The following ZCCHC7 variants were observed in gnomAD, a reference collection of about 807,000 sequenced individuals.
The protein encoded by ZCCHC7 is zinc finger CCHC domain-containing protein 7.
ZCCHC7 carries 35 observed loss-of-function variants against 52.0 expected under a neutral mutation model. The ratio of observed to expected loss-of-function variants is 0.67; its 90% CI spans 0.51 to 0.89. The LOEUF (loss-of-function observed/expected upper bound fraction) is 0.89, where lower values mean the gene tolerates loss of function less well. Ranked by LOEUF, ZCCHC7 falls within the 40% of genes least tolerant of loss-of-function variation. The pLI, the probability that ZCCHC7 is intolerant of heterozygous loss-of-function variation, is 0.00. For missense variants in ZCCHC7, 574 were observed against 649.1 expected, an observed-to-expected ratio of 0.88 and a Z score of 1.26; for synonymous variants, 217 against 221.5, an observed-to-expected ratio of 0.98 and a Z score of 0.18.
At chr9:37,230,349 A>G (rs184417286) in intron 2 of ZCCHC7, among the ~76,000 whole-genome samples, 70 of 152,312 alleles carry the variant, frequency 4.6e-4, no homozygotes, top group Non-Finnish European at 2.2e-4. Flanking sequence ...TTGTTAAAAC[A>G]TAACAGTGAC....
At chr9:37,307,658 A>G (rs1286164465) in intron 5 of ZCCHC7, among the ~76,000 whole-genome samples, 1 of 152,150 alleles carries the variant, frequency 6.6e-6, no homozygotes, top group Non-Finnish European at 1.5e-5. Flanking sequence ...TTTTTAATGC[A>G]TGTCTGAAAT....
chr9:37,261,228 T>C (rs1451978353), intron 2 of ZCCHC7, among the ~76,000 whole-genome samples: 1 of 152,180 alleles, frequency 6.6e-6, no homozygotes, highest in Non-Finnish European at 1.5e-5. Flanking sequence ...CTTTAAGACG[T>C]CAACAGATTT....
intron 2 of ZCCHC7, among the ~76,000 whole-genome samples, chr9:37,275,309 C>T (rs1827628899): frequency 3.0e-5 from 4 of 133,808 alleles, no homozygotes; most frequent in African/African-American, 5.7e-5. Context: ...TCTATATTGT[C>T]TAGTTTTCCT....
intron 2 of ZCCHC7, among the ~76,000 whole-genome samples, chr9:37,262,031 G>A (rs552170201): frequency 6.6e-6 from 1 of 152,212 alleles, no homozygotes; most frequent in South Asian, 2.1e-4. Context: ...TCTCCTCATT[G>A]TAGAAAAGTT....
Position 37,231,658 on chromosome 9 carries a change from A to AT in ZCCHC7, c.611-70522dup, listed in dbSNP as rs1002077487. Among the ~76,000 whole-genome samples, 8 of 151,826 alleles carry AT rather than the reference A, an allele frequency of 5.3e-5. No homozygotes were observed. In the East Asian group the frequency reaches 9.7e-4, roughly 18 times the overall value. On this transcript the variant is annotated intron_variant, in intron 2 of 8. Transcript: ENST00000336755. ...GTAGAGGAAGTGGCTGTTTTTCTCC[A>AT]TTTTTTTTCACCCTAATTGTTGAAA...
intron 2 of ZCCHC7, among the ~76,000 whole-genome samples, chr9:37,128,656 A>ATGGGT (rs1186629150): frequency 2.6e-5 from 4 of 152,232 alleles, no homozygotes; most frequent in African/African-American, 9.6e-5. Context: ...AAGGTAACTA[A>ATGGGT]TTCTGCAGTT....
intron 2 of ZCCHC7, among the ~76,000 whole-genome samples, chr9:37,279,014 A>T (rs1307509662): frequency 6.6e-6 from 1 of 152,194 alleles, no homozygotes; most frequent in African/African-American, 2.4e-5. Flanking sequence ...CCCTGTCTCT[A>T]TTAAAAAAAT....
chr9:37,337,132 A>C (rs1333666743), intron 6 of ZCCHC7, among the ~76,000 whole-genome samples: 1 of 152,136 alleles, frequency 6.6e-6, no homozygotes. Context: ...TTCCCCTAAA[A>C]GTGATTCCTT....
intron 2 of ZCCHC7, among the ~76,000 whole-genome samples, chr9:37,161,405 T>C (rs1309268558): frequency 6.6e-6 from 1 of 151,974 alleles, no homozygotes; most frequent in East Asian, 1.9e-4. Flanking sequence ...AAACCCCATC[T>C]CTACTAAAAA....
At chr9:37,240,432 T>C (rs559045228) in intron 2 of ZCCHC7, among the ~76,000 whole-genome samples, 88 of 152,040 alleles carry the variant, frequency 5.8e-4, no homozygotes, top group African/African-American at 2.0e-3. Context: ...TAATCTGATA[T>C]TTAATTAGTT....
intron 2 of ZCCHC7, among the ~76,000 whole-genome samples, chr9:37,218,364 A>G (rs1824624960): frequency 6.6e-6 from 1 of 152,330 alleles, no homozygotes; most frequent in South Asian, 2.1e-4. Context: ...CAAGTTAACT[A>G]TTATGGGTTC....
intron 5 of ZCCHC7, among the ~76,000 whole-genome samples, chr9:37,318,678 C>T (rs1017455235): frequency 5.9e-5 from 9 of 151,726 alleles, no homozygotes; most frequent in African/African-American, 2.2e-4. Context: ...TTTGGGAGGC[C>T]GAGGCGGGCA....
At chr9:37,312,124 T>A (rs1829628303) in intron 5 of ZCCHC7, among the ~76,000 whole-genome samples, 1 of 152,222 alleles carries the variant, frequency 6.6e-6, no homozygotes, top group South Asian at 2.1e-4. Context: ...TACTCAGATA[T>A]GACTGGCCAG....
At chr9:37,152,378 G>A (rs1008572950) in intron 2 of ZCCHC7, among the ~76,000 whole-genome samples, 5 of 152,028 alleles carry the variant, frequency 3.3e-5, no homozygotes, top group African/African-American at 1.2e-4. Flanking sequence ...CAAAATTAAT[G>A]CATCAATATT....
chr9:37,287,200 T>A (rs546553733), intron 2 of ZCCHC7, among the ~76,000 whole-genome samples: 2 of 149,238 alleles, frequency 1.3e-5, no homozygotes, highest in Non-Finnish European at 3.0e-5. Context: ...CAGCCATGAT[T>A]TTCTTTCTCT....
intron 2 of ZCCHC7, among the ~76,000 whole-genome samples, chr9:37,251,450 T>G (rs1826323970): frequency 6.6e-6 from 1 of 152,190 alleles, no homozygotes; most frequent in South Asian, 2.1e-4. Context: ...ACCATTTTTT[T>G]CTTTACCTCT....
chr9:37,121,713 G>A (rs954276708), intron 1 of ZCCHC7: 2 of 152,178 alleles, frequency 1.3e-5, no homozygotes, highest in African/African-American at 2.4e-5. Context: ...CTAAGGGAAA[G>A]GTGAAGGAAA....
intron 2 of ZCCHC7, among the ~76,000 whole-genome samples, chr9:37,198,042 C>A (rs1823381071): frequency 6.6e-6 from 1 of 152,192 alleles, no homozygotes; most frequent in African/African-American, 2.4e-5. Flanking sequence ...CTGTAGTGTT[C>A]CTCATAACAA....
Position 37,327,070 on chromosome 9 carries a change from ATATAT to A in ZCCHC7, c.952-727_952-723del, listed in dbSNP as rs1386376826. The A allele has an allele frequency of 1.2e-4, 19 of 152,252 alleles. No homozygotes were observed. The East Asian group carries it at 3.5e-3, about 28-fold the overall frequency. The allele number at this position is 152,252 out of a possible 1,614,324, so 9.4% of individuals were successfully genotyped here. ...GATTTATATATGTGTTCGTAAGAAA[ATATAT>A]TCTAATCACTGTTTTTGTTGTTCCT... On this transcript the variant is annotated intron_variant, in intron 5 of 8. Transcript: ENST00000336755.
Sources: allele counts gnomAD v4.1 joint callset (sites outside exome capture counted in the v4.1 genomes callset), GRCh38; gene constraint gnomAD v4.1.1; transcripts MANE v1.5; gene names NCBI Gene and HGNC (gene_info 2026-07-23, HGNC 2026-07-21).